Variants in SYNE1 observed in about 807,000 individuals in gnomAD.
The protein encoded by SYNE1 is nesprin-1.
In SYNE1, 616 loss-of-function variants were observed where a neutral mutation model predicts 1,111.0. The observed-to-expected ratio is 0.55, with a 90% CI of 0.52 to 0.59. SYNE1 has a LOEUF of 0.59. Ranked by LOEUF, SYNE1 falls within the 20% of genes least tolerant of loss-of-function variation. The pLI is 0.00. For synonymous variants in SYNE1, 3,855 were observed against 3,825.8 expected (o/e 1.01, Z -0.28); for missense variants, 10,006 against 10,417.0 (o/e 0.96, Z 1.72).
chr6:152,278,154 T>G lies in SYNE1; in HGVS notation c.18508A>C (p.Arg6170=), dbSNP rs200241436. ...DEAEQLAGKL[R]RLKGSLLELQ... Reference sequence around the variant, plus strand: ...TCCAGCAGGCTCCCCTTGAGCCTTCTCAGCTTTCCAGCCAGCTGCTCGGCC... The same window carrying G: ...TCCAGCAGGCTCCCCTTGAGCCTTCGCAGCTTTCCAGCCAGCTGCTCGGCC... Residue 6170 remains arginine (R), a synonymous_variant, in exon 98 of 146, where the codon AGA becomes CGA. Transcript: ENST00000367255. 1 of 1,614,176 alleles carries G rather than the reference T, an allele frequency of 6.2e-7. No homozygotes were observed. Among genetic ancestry groups the G allele is most frequent in the African/African-American group, 1.3e-5 (1 of 75,050 alleles).
chr6:152,353,124 T>G (rs939927869), intron 69 of SYNE1, 139 bp downstream of exon 69: 1 of 1,192,932 alleles, frequency 8.4e-7, no homozygotes, highest in Non-Finnish European at 1.2e-6. Context: ...CAACTTAGTA[T>G]TTCAAGTAAA....
At chr6:152,168,155 C>T (rs2064136948) in intron 130 of SYNE1, 4 of 777,902 alleles carry the variant, frequency 5.1e-6, no homozygotes, top group Non-Finnish European at 9.6e-6. Flanking sequence ...TGCATCCACA[C>T]AGCTGTCCTC....
intron 63 of SYNE1, 63 bp downstream of exon 63, chr6:152,364,784 C>T: frequency 1.9e-6 from 3 of 1,604,586 alleles, no homozygotes; most frequent in Non-Finnish European, 2.6e-6. Context: ...ATGGTCTGTT[C>T]AGTAGTATTA....
At chr6:152,402,638 G>GCAC (rs1183705407) in intron 46 of SYNE1, 46 of 152,332 alleles carry the variant, frequency 3.0e-4, no homozygotes, top group African/African-American at 1.0e-3. Flanking sequence ...TGTTCTTCAG[G>GCAC]TGGCACTGCC....
In SYNE1 at chr6:152,538,063, G is replaced by A. The variant is rs150766350; in HGVS notation, c.129+1897C>T. On this transcript the variant is annotated intron_variant, in intron 4 of 145. Coordinates refer to ENST00000367255, the MANE Select transcript of SYNE1 (RefSeq NM_182961.4). The stretch of plus-strand genomic sequence containing the variant: ...AAGCTCATCACTGCCATTATTCCAG[G>A]GTTGAGTTCCAACCTCTAGCTATTA... Among the ~76,000 whole-genome samples the A allele has an allele frequency of 7.0e-4, 107 of 152,226 alleles. 1 individual carries two copies. Among genetic ancestry groups the A allele is most frequent in the Admixed American group, 1.2e-3 (19 of 15,278 alleles).
Position 152,318,851 on chromosome 6 carries a change from T to C in SYNE1, c.16389+12A>G, listed in dbSNP as rs770862037. ...TTCATTCAGTAGTACCCTTTAAAAT[T>C]CTACTTCTTACCTTTTGGTCAGTTT... is the stretch of plus-strand genomic sequence containing the variant. On this transcript the variant is annotated intron_variant, in intron 85 of 145. Coordinates refer to ENST00000367255, the MANE Select transcript of SYNE1 (RefSeq NM_182961.4). 2 of 1,614,014 alleles carry C rather than the reference T, an allele frequency of 1.2e-6. No individual in the cohort carries two copies. The highest frequency in any genetic ancestry group is 1.7e-5 in the Admixed American group (1 of 60,012).
chr6:152,369,165 G>C (rs561987356), intron 60 of SYNE1, 38 bp from the exon 61 acceptor site: 2 of 1,608,322 alleles, frequency 1.2e-6, no homozygotes, highest in Non-Finnish European at 1.7e-6. Context: ...AGAGGCTGGG[G>C]AAAAGCACAT....
chr6:152,624,951 A>G (rs1021179283), intron 3 of SYNE1, among the ~76,000 whole-genome samples: 11 of 152,192 alleles, frequency 7.2e-5, no homozygotes, highest in African/African-American at 2.6e-4. Context: ...CATGCTCTTT[A>G]TTAGTTATGC....
chr6:152,127,366 A>G (rs1446588840), intron 145 of SYNE1: 1 of 152,194 alleles, frequency 6.6e-6, no homozygotes, highest in Admixed American at 6.5e-5. Flanking sequence ...GAGGTAAAAC[A>G]CATACAATGC....
chr6:152,253,817 G>GTTTTTTTTTTTT (rs1491115589), intron 104 of SYNE1, among the ~76,000 whole-genome samples: 912 of 59,148 alleles, frequency 0.015, 389 homozygotes, highest in East Asian at 0.04. Flanking sequence ...GTAGTGGTTT[G>GTTTTTTTTTTTT]GTTTTTTTTT....
chr6:152,577,887 C>A (rs376180524), intron 3 of SYNE1, among the ~76,000 whole-genome samples: 5 of 151,998 alleles, frequency 3.3e-5, no homozygotes, highest in East Asian at 1.9e-4. Flanking sequence ...ATCCAACAGG[C>A]CTTACTTAGA....
At chr6:152,546,185 A>G (rs951058427) in intron 3 of SYNE1, 2 of 152,218 alleles carry the variant, frequency 1.3e-5, no homozygotes, top group Non-Finnish European at 2.9e-5. Flanking sequence ...GGTAGGGAAT[A>G]AAGTATATTG....
chr6:152,501,193 G>A (rs192338147), intron 10 of SYNE1, among the ~76,000 whole-genome samples: 4 of 151,878 alleles, frequency 2.6e-5, no homozygotes, highest in South Asian at 2.1e-4. Context: ...TTAAAATTCC[G>A]CAGTGAATCC....
chr6:152,151,407 T>C (rs1442329658), intron 135 of SYNE1, 146 bp downstream of exon 135: 1 of 935,844 alleles, frequency 1.1e-6, no homozygotes, highest in Non-Finnish European at 1.6e-6. Context: ...TGATTTTTTA[T>C]ATATTTTACA....
rs1217261043 is a variant in SYNE1, at chr6:152,416,990, T to C, written c.5447A>G (p.Lys1816Arg). Residue 1816 changes from lysine to arginine, a missense_variant, in exon 41 of 146, where the codon AAA (lysine) becomes AGA (arginine). This residue lies in a region of SYNE1 where 4,955 missense variants were observed against 5,017.2 expected (regional missense o/e 0.99). Transcript: ENST00000367255. ...CTGCAGACTCTGCAATTCGCCCTTT[T>C]TGCTCTCTACTTCTGCTGCGTGGTC... ...HKDHAAEVES[K>R]KGELQSLQGH... is the part of the protein sequence containing the mutation. 6.2e-7 allele frequency: 1 copy of C among 1,614,168 alleles called. No individual in the cohort carries two copies. The highest frequency in any genetic ancestry group is 1.1e-5 in the South Asian group (1 of 91,084).
At position 152,269,178 on chromosome 6, in the gene SYNE1, G is replaced by A. The variant is rs910956017; in HGVS notation, c.18682C>T (p.Gln6228Ter). 7 of 1,614,078 alleles carry A rather than the reference G, an allele frequency of 4.3e-6. No individual in the cohort carries two copies. The highest frequency in any genetic ancestry group is 5.9e-6 in the Non-Finnish European group (7 of 1,180,050). The change falls in exon 99 of 146, where the codon CAG becomes TAG. Residue 6228 changes from glutamine (Q) to a stop codon, truncating the protein, a stop_gained. Coordinates refer to ENST00000367255, the MANE Select transcript of SYNE1 (RefSeq NM_182961.4). LOFTEE classifies it high-confidence loss of function. ...QARTTWTQQR[Q>*]SSLQQQKELE... ...ACTTTTTGTTGCTGGAGACTGCTCT[G>A]CCGCTGCTGGGTCCATGTGGTGCGA... is the stretch of plus-strand genomic sequence containing the variant.
chr6:152,376,999 T>A, intron 56 of SYNE1, 87 bp from the exon 57 acceptor site: 3 of 1,515,286 alleles, frequency 2.0e-6, no homozygotes, highest in Non-Finnish European at 2.7e-6. Context: ...AATCATATTA[T>A]AAATTATTAG....
intron 14 of SYNE1, chr6:152,481,257 C>A (rs1004816437): frequency 4.4e-5 from 9 of 203,826 alleles, no homozygotes; most frequent in Non-Finnish European, 8.1e-5. Context: ...AGATTGGAGG[C>A]ACCACAAACG....
chr6:152,160,411 CCTGCTCCCAT>C (rs1222789048), intron 131 of SYNE1, among the ~76,000 whole-genome samples: 2 of 152,212 alleles, frequency 1.3e-5, no homozygotes, highest in Admixed American at 1.3e-4. Context: ...ACCCAGAGCC[CCTGCTCCCAT>C]CTGGACAGGT....
Sources: allele counts gnomAD v4.1 joint callset (sites outside exome capture counted in the v4.1 genomes callset), GRCh38; gene constraint gnomAD v4.1.1; regional missense constraint gnomAD v4.1.1; transcripts MANE v1.5; gene names NCBI Gene and HGNC (gene_info 2026-07-23, HGNC 2026-07-21).